Variants in ASAP1 observed in about 807,000 individuals in gnomAD.
ASAP1 encodes the protein ArfGAP with SH3 domain, ankyrin repeat and PH domain 1.
A neutral mutation model predicts 145.2 loss-of-function variants in ASAP1; 43 were observed. The observed-to-expected ratio is 0.30, with a 90% CI of 0.23 to 0.38. ASAP1 has a LOEUF of 0.38. ASAP1 is among the 10% of genes least tolerant of loss of function. ASAP1 has a pLI of 1.00. For synonymous variants in ASAP1, 546 were observed against 515.5 expected, an observed-to-expected ratio of 1.06 and a Z score of -0.80; for missense variants, 1,018 against 1,355.3, an observed-to-expected ratio of 0.75 and a Z score of 3.91.
chr8:130,439,573 A>T (rs1830423974), intron 1 of ASAP1, among the ~76,000 whole-genome samples: 1 of 151,338 alleles, frequency 6.6e-6, no homozygotes, highest in East Asian at 1.9e-4. Context: ...CATTCACATA[A>T]GATATTAAAA....
At chr8:130,062,131 T>C (rs2097420864) in intron 27 of ASAP1, among the ~76,000 whole-genome samples, 1 of 152,228 alleles carries the variant, frequency 6.6e-6, no homozygotes, top group African/African-American at 2.4e-5. Flanking sequence ...TAAGGCCCTA[T>C]TACAGTATTA....
Position 130,082,587 on chromosome 8 carries a change from T to C in ASAP1, c.2573-2616A>G, listed in dbSNP as rs1011620100. Among the ~76,000 whole-genome samples, 10 of 151,384 alleles carry C rather than the reference T, an allele frequency of 6.6e-5. No homozygotes were observed. In the East Asian group the frequency reaches 2.0e-3, roughly 30 times the overall value. On this transcript the variant is annotated intron_variant, in intron 25 of 29. Transcript: ENST00000518721. ...GGCATAATCATAGCTCACTGCAGCC[T>C]TAAACTCCTGGGCTCAAATGATCCT...
Position 130,425,466 on chromosome 8 carries a change from G to A in ASAP1, c.-28+17994C>T, listed in dbSNP as rs990764871. On this transcript the variant is annotated intron_variant, in intron 1 of 29. Transcript: ENST00000518721. ...CGTGAGGCAGAGGTTGCAGTGAGCC[G>A]AGATCTCACCACTGCACTCCAGCCT... Among the ~76,000 whole-genome samples the A allele has an allele frequency of 5.3e-5, 8 of 151,808 alleles. No homozygotes were observed. The East Asian group carries it at 1.4e-3, about 26-fold the overall frequency.
chr8:130,385,026 T>G (rs937552886), intron 2 of ASAP1, among the ~76,000 whole-genome samples: 2 of 152,146 alleles, frequency 1.3e-5, no homozygotes, highest in Non-Finnish European at 2.9e-5. Context: ...AAATATTGTC[T>G]TTGATCTAAC....
At chr8:130,301,071 T>C (rs564470674) in intron 3 of ASAP1, among the ~76,000 whole-genome samples, 1 of 152,260 alleles carries the variant, frequency 6.6e-6, no homozygotes, top group East Asian at 1.9e-4. Context: ...AAGGAGATGA[T>C]GCCAAAAAGT....
intron 7 of ASAP1, among the ~76,000 whole-genome samples, chr8:130,181,132 C>T (rs966520936): frequency 2.0e-5 from 3 of 152,146 alleles, no homozygotes; most frequent in South Asian, 2.1e-4. Flanking sequence ...AAACAAACCA[C>T]ACTCATGTCT....
At chr8:130,184,361 G>A (rs1397086699) in intron 7 of ASAP1, among the ~76,000 whole-genome samples, 10 of 152,178 alleles carry the variant, frequency 6.6e-5, no homozygotes, top group African/African-American at 9.7e-5. Flanking sequence ...ACTGAGGAAC[G>A]TGTAGATAAG....
chr8:130,410,336 G>C (rs1241362639), intron 1 of ASAP1, among the ~76,000 whole-genome samples: 2 of 152,162 alleles, frequency 1.3e-5, no homozygotes, highest in Non-Finnish European at 2.9e-5. Flanking sequence ...TACATCCTAA[G>C]AATTTTGTGA....
chr8:130,410,241 C>T (rs990460181), intron 1 of ASAP1, among the ~76,000 whole-genome samples: 2 of 152,164 alleles, frequency 1.3e-5, no homozygotes, highest in African/African-American at 2.4e-5. Context: ...AAAAACCTCA[C>T]CGACAACAAG....
At chr8:130,214,483 TGAA>T (rs1399562254) in intron 5 of ASAP1, 70 bp downstream of exon 5, 2 of 1,368,408 alleles carry the variant, frequency 1.5e-6, no homozygotes, top group Non-Finnish European at 1.9e-6. Flanking sequence ...GAAGGATTAT[TGAA>T]ATGTTCTCTA....
intron 2 of ASAP1, among the ~76,000 whole-genome samples, chr8:130,401,027 C>T (rs1031704435): frequency 3.3e-5 from 5 of 151,548 alleles, no homozygotes; most frequent in African/African-American, 9.7e-5. Flanking sequence ...ATTACAGGCG[C>T]CTGCCACCAC....
chr8:130,134,199 G>C (rs915323084), intron 15 of ASAP1, 97 bp downstream of exon 15: 8 of 938,464 alleles, frequency 8.5e-6, no homozygotes, highest in Non-Finnish European at 1.3e-5. Flanking sequence ...CACCAGGCGA[G>C]GTTCTTACAA....
intron 26 of ASAP1, among the ~76,000 whole-genome samples, chr8:130,077,537 CTTTTTTTTTTTTTT>C (rs58327713): frequency 1.6e-5 from 1 of 62,030 alleles, no homozygotes; most frequent in Non-Finnish European, 2.8e-5. Flanking sequence ...GCTGCTGCTG[CTTTTTTTTTTTTTT>C]TTTTTTTTTT....
In ASAP1 at chr8:130,355,968, T is replaced by C. The variant is rs148425039; in HGVS notation, c.186+2049A>G. 1.2e-3 allele frequency among the ~76,000 whole-genome samples: 184 copies of C among 152,332 alleles called. 1 individual carries two copies. The highest frequency in any genetic ancestry group is 4.1e-3 in the African/African-American group (171 of 41,578). On this transcript the variant is annotated intron_variant, in intron 3 of 29. Transcript: ENST00000518721. Reference sequence around the variant, plus strand: ...TTTTTGAGAACATGGGTATCATCAATGTACTCTAACATGACACTGAACTTC... The same window carrying C: ...TTTTTGAGAACATGGGTATCATCAACGTACTCTAACATGACACTGAACTTC...
At chr8:130,132,394 TAAC>T (rs146806029) in intron 15 of ASAP1, among the ~76,000 whole-genome samples, 16,140 of 152,192 alleles carry the variant, frequency 0.11, 1,045 homozygotes, top group African/African-American at 0.18. Context: ...TCTATACCCA[TAAC>T]AACAAGTCAT....
intron 3 of ASAP1, among the ~76,000 whole-genome samples, chr8:130,309,870 T>G (rs1296036738): frequency 2.0e-5 from 3 of 152,264 alleles, no homozygotes; most frequent in African/African-American, 7.2e-5. Flanking sequence ...GCAAATTTCC[T>G]AGGTTTAGTT....
At chr8:130,119,778 C>T (rs2097562606) in intron 18 of ASAP1, among the ~76,000 whole-genome samples, 1 of 151,744 alleles carries the variant, frequency 6.6e-6, no homozygotes, top group African/African-American at 2.4e-5. Context: ...CCATAGTAAA[C>T]TGCTTAATCG....
chr8:130,101,732 ATTTTT>A (rs59778799), intron 24 of ASAP1, among the ~76,000 whole-genome samples: 7,076 of 87,004 alleles, frequency 0.081, 352 homozygotes, highest in Middle Eastern at 0.16. Context: ...CACCTGGTTA[ATTTTT>A]TTTTTTTTTT....
intron 2 of ASAP1, among the ~76,000 whole-genome samples, chr8:130,392,834 T>C (rs34438161): frequency 0.062 from 9,453 of 152,008 alleles, 291 homozygotes; most frequent in Middle Eastern, 0.12. Context: ...AAACAAACAG[T>C]TGTCACGGGA....
Sources: allele counts gnomAD v4.1 joint callset (sites outside exome capture counted in the v4.1 genomes callset), GRCh38; gene constraint gnomAD v4.1.1; transcripts MANE v1.5; gene names NCBI Gene and HGNC (gene_info 2026-07-23, HGNC 2026-07-21).